CNTNAP2: variants seen among roughly 807,000 people sequenced by gnomAD.
CNTNAP2 encodes the protein contactin associated protein 2, also known as contactin-associated protein-like 2.
A neutral mutation model predicts 155.2 loss-of-function variants in CNTNAP2; 98 were observed. That is an observed-to-expected ratio of 0.63 (90% CI 0.54 to 0.75). The LOEUF (loss-of-function observed/expected upper bound fraction) is 0.75. Ranked by LOEUF, CNTNAP2 falls within the 30% of genes least tolerant of loss-of-function variation. The pLI is 0.00. For synonymous variants in CNTNAP2, 651 were observed against 631.2 expected (o/e 1.03, Z -0.47); for missense variants, 1,727 against 1,688.1 (o/e 1.02, Z -0.40).
intron 11 of CNTNAP2, among the ~76,000 whole-genome samples, chr7:147,522,971 C>T (rs115386989): frequency 0.024 from 3,603 of 152,136 alleles, 158 homozygotes; most frequent in African/African-American, 0.082. Flanking sequence ...TGTTACAGAG[C>T]AACAAATTAC....
At chr7:147,949,460 T>TATATA (rs60849459) in intron 14 of CNTNAP2, among the ~76,000 whole-genome samples, 12 of 92,072 alleles carry the variant, frequency 1.3e-4, no homozygotes, top group East Asian at 2.7e-4. Flanking sequence ...ATATATATAT[T>TATATA]TTTTTTTTTT....
chr7:146,391,341 A>T (rs1329040441), intron 1 of CNTNAP2, among the ~76,000 whole-genome samples: 1 of 151,828 alleles, frequency 6.6e-6, no homozygotes, highest in African/African-American at 2.4e-5. Flanking sequence ...CAGCACTTAG[A>T]TGATGTGAGC....
intron 1 of CNTNAP2, among the ~76,000 whole-genome samples, chr7:146,546,428 AG>A (rs1281189007): frequency 6.6e-6 from 1 of 151,950 alleles, no homozygotes; most frequent in Non-Finnish European, 1.5e-5. Context: ...ACAAAACACC[AG>A]TGTAAACAAT....
At chr7:147,927,354 A>G (rs899034751) in intron 14 of CNTNAP2, among the ~76,000 whole-genome samples, 12 of 152,218 alleles carry the variant, frequency 7.9e-5, no homozygotes, top group African/African-American at 2.9e-4. Context: ...AAATACTTTC[A>G]GTATTAGTAG....
At chr7:147,667,252 T>A (rs1795710037) in intron 13 of CNTNAP2, among the ~76,000 whole-genome samples, 1 of 152,206 alleles carries the variant, frequency 6.6e-6, no homozygotes, top group Non-Finnish European at 1.5e-5. Context: ...ATAAGTTGAT[T>A]GTGAGGGGGA....
chr7:147,315,990 A>C (rs1795225542), intron 9 of CNTNAP2, among the ~76,000 whole-genome samples: 1 of 152,046 alleles, frequency 6.6e-6, no homozygotes, highest in African/African-American at 2.4e-5. Flanking sequence ...TATATGAGAC[A>C]CTTATTCATT....
chr7:147,563,492 C>T (rs10246551), intron 12 of CNTNAP2, among the ~76,000 whole-genome samples: 16 of 151,618 alleles, frequency 1.1e-4, no homozygotes, highest in African/African-American at 3.4e-4. Flanking sequence ...AGCTGGGCTT[C>T]GTGGCACACA....
chr7:146,227,974 G>A lies in CNTNAP2; in HGVS notation c.97+111001G>A, dbSNP rs534146194. Among the ~76,000 whole-genome samples the A allele has an allele frequency of 3.9e-5, 6 of 152,292 alleles. No homozygotes were observed. The South Asian group carries it at 1.0e-3, about 26-fold the overall frequency. On this transcript the variant is annotated intron_variant, in intron 1 of 23. Transcript: ENST00000361727. ...GGTAACAGTTAAAAGCAACTTCACT[G>A]TATTTGGTTTTGTTATTATTATTAT...
At chr7:146,504,040 T>TA (rs1369873604) in intron 1 of CNTNAP2, among the ~76,000 whole-genome samples, 24 of 152,364 alleles carry the variant, frequency 1.6e-4, no homozygotes, top group African/African-American at 5.3e-4. Context: ...GCTACAAATG[T>TA]GATTACATAG....
intron 12 of CNTNAP2, among the ~76,000 whole-genome samples, chr7:147,563,676 G>T (rs189149576): frequency 1.4e-5 from 2 of 147,918 alleles, no homozygotes; most frequent in African/African-American, 5.0e-5. Flanking sequence ...ATATTATTCA[G>T]GCAAATTCAA....
At chr7:147,313,926 T>G (rs1237002185) in intron 9 of CNTNAP2, among the ~76,000 whole-genome samples, 2 of 150,820 alleles carry the variant, frequency 1.3e-5, no homozygotes, top group African/African-American at 4.9e-5. Flanking sequence ...GTTTGTATCC[T>G]CTTTTATTTC....
At chr7:146,807,960 A>G (rs1224241977) in intron 2 of CNTNAP2, among the ~76,000 whole-genome samples, 1 of 152,164 alleles carries the variant, frequency 6.6e-6, no homozygotes, top group Non-Finnish European at 1.5e-5. Context: ...ATAGTGGGCC[A>G]CTAGAAAAGT....
intron 9 of CNTNAP2, among the ~76,000 whole-genome samples, chr7:147,350,133 G>T (rs557828075): frequency 1.4e-4 from 22 of 151,846 alleles, no homozygotes; most frequent in African/African-American, 5.3e-4. Context: ...TGTGAGAGGT[G>T]TTATAGAAAT....
At chr7:147,043,125 G>A (rs60987277) in intron 3 of CNTNAP2, among the ~76,000 whole-genome samples, 1,719 of 151,600 alleles carry the variant, frequency 0.011, 34 homozygotes, top group African/African-American at 0.04. Context: ...TTTGAGAGTC[G>A]AGTCTATGGT....
rs539390333 is a variant in CNTNAP2 at position 147,261,583 on chromosome 7, C to A, written c.1349-38558C>A. Among the ~76,000 whole-genome samples, 25 of 150,030 alleles carry A rather than the reference C, an allele frequency of 1.7e-4. No individual in the cohort carries two copies. The South Asian group carries it at 5.0e-3, about 30-fold the overall frequency. The stretch of plus-strand genomic sequence containing the variant: ...AAAAAAAAAAACCTACCATGAAGAA[C>A]AACTCACCTATTGCAAGTTTTTGAT... On this transcript the variant is annotated intron_variant, in intron 8 of 23. Transcript: ENST00000361727.
At chr7:148,294,343 A>C (rs539200103) in intron 21 of CNTNAP2, among the ~76,000 whole-genome samples, 1 of 152,252 alleles carries the variant, frequency 6.6e-6, no homozygotes, top group Non-Finnish European at 1.5e-5. Flanking sequence ...CTAAGCTTAC[A>C]TATAATTAAC....
chr7:148,410,519 A>C lies in CNTNAP2; in HGVS notation c.3796+1048A>C, dbSNP rs571538729. Among the ~76,000 whole-genome samples the C allele has an allele frequency of 3.5e-4, 52 of 147,922 alleles. No homozygotes were observed. The South Asian group carries it at 0.01, about 29-fold the overall frequency. On this transcript the variant is annotated intron_variant, in intron 23 of 23. Coordinates refer to ENST00000361727, the MANE Select transcript of CNTNAP2 (RefSeq NM_014141.6). ...GAGGTAGAGGTTGCAGTGAGCTGAG[A>C]TCACACCACTGTACTCCAGTCTAGG... is the stretch of plus-strand genomic sequence containing the variant.
chr7:147,707,999 A>C (rs1016779946), intron 13 of CNTNAP2, among the ~76,000 whole-genome samples: 2 of 151,944 alleles, frequency 1.3e-5, no homozygotes, highest in African/African-American at 4.8e-5. Flanking sequence ...TGGGGGAGAG[A>C]GCCAGGACTG....
intron 13 of CNTNAP2, among the ~76,000 whole-genome samples, chr7:147,760,760 A>G (rs1047170978): frequency 5.3e-5 from 8 of 152,184 alleles, no homozygotes; most frequent in African/African-American, 1.9e-4. Flanking sequence ...TTGCCATTAA[A>G]CCTTGTGCTC....
Sources: allele counts gnomAD v4.1 joint callset (sites outside exome capture counted in the v4.1 genomes callset), GRCh38; gene constraint gnomAD v4.1.1; transcripts MANE v1.5; gene names NCBI Gene and HGNC (gene_info 2026-07-23, HGNC 2026-07-21).